Variants in KLF12 observed in about 807,000 individuals in gnomAD.
The protein encoded by KLF12 is Krueppel-like factor 12.
Under a neutral mutation model 37.8 loss-of-function variants are expected in KLF12, and 9 were observed. That is an observed-to-expected ratio of 0.24 (90% CI 0.14 to 0.42). The LOEUF (loss-of-function observed/expected upper bound fraction) is 0.42. Ranked by LOEUF, KLF12 falls within the 10% of genes least tolerant of loss-of-function variation. The probability of loss-of-function intolerance (pLI) is 1.00; values close to 1 mark genes in which losing one functional copy is unlikely to be tolerated. For synonymous variants in KLF12, 208 were observed against 202.1 expected (o/e 1.03, Z -0.25); for missense variants, 411 against 516.0 (o/e 0.80, Z 1.97).
intron 5 of KLF12, among the ~76,000 whole-genome samples, chr13:73,787,805 C>G (rs934503019): frequency 6.6e-6 from 1 of 151,490 alleles, no homozygotes; most frequent in Non-Finnish European, 1.5e-5. Context: ...TATTTTTAAA[C>G]AAAAAAAAGT....
At chr13:74,250,389 G>A in the KLF12 span, among the ~76,000 whole-genome samples, 1 of 152,228 alleles carries the variant, frequency 6.6e-6, no homozygotes, top group Admixed American at 6.5e-5. Flanking sequence ...CAGCAGGTAG[G>A]ATGAGGACAA....
At chr13:73,978,705 A>G (rs1224978089) in intron 2 of KLF12, among the ~76,000 whole-genome samples, 1 of 152,174 alleles carries the variant, frequency 6.6e-6, no homozygotes, top group Non-Finnish European at 1.5e-5. Context: ...ATATATCTAC[A>G]CAAAAATATG....
Position 73,823,210 on chromosome 13 carries a change from A to G in KLF12, c.671-9923T>C, listed in dbSNP as rs149135446. On this transcript the variant is annotated intron_variant, in intron 4 of 7. Coordinates refer to ENST00000377669, the MANE Select transcript of KLF12 (RefSeq NM_007249.5). ...TTTAAGGCAGATTAAAATCTGTTAT[A>G]ATAATTTTAAGTATCACCAAATCAC... Among the ~76,000 whole-genome samples, 376 of 152,306 alleles carry G rather than the reference A, an allele frequency of 2.5e-3. 3 individuals are homozygous for G. Among genetic ancestry groups the G allele is most frequent in the African/African-American group, 8.3e-3 (347 of 41,576 alleles).
At chr13:74,089,532 A>G (rs1875524804) in intron 1 of KLF12, among the ~76,000 whole-genome samples, 1 of 152,134 alleles carries the variant, frequency 6.6e-6, no homozygotes, top group Non-Finnish European at 1.5e-5. Flanking sequence ...TTCTTATTAT[A>G]TGGATGCAGA....
At chr13:74,235,713 T>C in the KLF12 span, among the ~76,000 whole-genome samples, 6 of 152,180 alleles carry the variant, frequency 3.9e-5, no homozygotes, top group Non-Finnish European at 7.4e-5. Context: ...CTTTGAAGTA[T>C]GTAAGACATA....
At chr13:73,827,210 TG>T (rs1347928170) in intron 4 of KLF12, among the ~76,000 whole-genome samples, 1 of 152,218 alleles carries the variant, frequency 6.6e-6, no homozygotes, top group African/African-American at 2.4e-5. Context: ...ATCCTTTTCG[TG>T]ATGAAAAATT....
At chr13:73,772,634 A>G (rs1023521819) in intron 5 of KLF12, among the ~76,000 whole-genome samples, 6 of 152,208 alleles carry the variant, frequency 3.9e-5, no homozygotes, top group African/African-American at 1.4e-4. Context: ...GCGAGCCTGG[A>G]GGGGCAGGAG....
chr13:74,094,798 C>T (rs1481681975), intron 1 of KLF12, among the ~76,000 whole-genome samples: 1 of 152,078 alleles, frequency 6.6e-6, no homozygotes, highest in African/African-American at 2.4e-5. Context: ...CAGGGTTTCG[C>T]CACGTTGGCC....
chr13:74,075,106 A>C (rs1370288556), intron 1 of KLF12, among the ~76,000 whole-genome samples: 2 of 152,224 alleles, frequency 1.3e-5, no homozygotes, highest in Non-Finnish European at 2.9e-5. Context: ...GGAAGGAATA[A>C]AAGGAAAGGA....
At chr13:73,968,583 A>G (rs1265674236) in intron 2 of KLF12, among the ~76,000 whole-genome samples, 1 of 152,172 alleles carries the variant, frequency 6.6e-6, no homozygotes, top group Non-Finnish European at 1.5e-5. Context: ...GAATACTCTC[A>G]TCTTGGGACT....
At chr13:74,148,036 C>G in the KLF12 span, among the ~76,000 whole-genome samples, 4 of 152,006 alleles carry the variant, frequency 2.6e-5, no homozygotes, top group African/African-American at 9.7e-5. Flanking sequence ...CTCAACCTCC[C>G]AAGTAGCTGG....
the KLF12 span, among the ~76,000 whole-genome samples, chr13:74,273,527 G>A: frequency 6.6e-6 from 1 of 151,348 alleles, no homozygotes; most frequent in Non-Finnish European, 1.5e-5. Flanking sequence ...TTTTGCAATG[G>A]TTGTGTGCAA....
chr13:74,067,304 T>C (rs1464793519), intron 1 of KLF12, among the ~76,000 whole-genome samples: 2 of 152,188 alleles, frequency 1.3e-5, no homozygotes, highest in African/African-American at 4.8e-5. Flanking sequence ...CTATGAAGTA[T>C]TAAAAATATT....
intron 1 of KLF12, among the ~76,000 whole-genome samples, chr13:74,055,514 G>A (rs1050435630): frequency 1.1e-4 from 16 of 152,140 alleles, no homozygotes; most frequent in African/African-American, 3.9e-4. Context: ...ATCACACTGT[G>A]CACATATGAT....
At chr13:74,118,832 C>G (rs1877459146) in intron 1 of KLF12, among the ~76,000 whole-genome samples, 1 of 151,838 alleles carries the variant, frequency 6.6e-6, no homozygotes, top group Admixed American at 6.6e-5. Context: ...GACCTCTTCC[C>G]AAGAACAAAG....
intron 1 of KLF12, among the ~76,000 whole-genome samples, chr13:74,113,667 G>GT (rs1877112049): frequency 6.6e-6 from 1 of 152,172 alleles, no homozygotes; most frequent in South Asian, 2.1e-4. Flanking sequence ...TGACACAGAC[G>GT]TATGTAGAAC....
chr13:74,009,587 GA>G (rs1290924152), intron 1 of KLF12, among the ~76,000 whole-genome samples: 1 of 152,140 alleles, frequency 6.6e-6, no homozygotes, highest in Admixed American at 6.5e-5. Context: ...GGTTTTAGGG[GA>G]ACAAGAGAGA....
At chr13:74,224,031 C>T in the KLF12 span, among the ~76,000 whole-genome samples, 2 of 152,138 alleles carry the variant, frequency 1.3e-5, no homozygotes, top group Admixed American at 6.5e-5. Flanking sequence ...ATCTGCTTCT[C>T]CTATTGTGTA....
intron 3 of KLF12, among the ~76,000 whole-genome samples, chr13:73,914,530 AAAAC>A (rs1888725168): frequency 6.6e-6 from 1 of 152,226 alleles, no homozygotes; most frequent in African/African-American, 2.4e-5. Flanking sequence ...GTTACAGAAA[AAAAC>A]AAATTCTCTG....
Sources: gnomAD v4.1 joint callset for allele counts (sites outside exome capture counted in the v4.1 genomes callset) on GRCh38, gnomAD v4.1.1 for gene constraint, MANE v1.5 for transcripts, NCBI Gene and HGNC (gene_info 2026-07-23, HGNC 2026-07-21) for gene names.